ANK3: variants seen among roughly 807,000 people sequenced by gnomAD.
ANK3 encodes the protein ankyrin 3.
ANK3 carries 57 observed loss-of-function variants against 370.9 expected under a neutral mutation model. The observed-to-expected ratio is 0.15, with a 90% CI of 0.12 to 0.19. The LOEUF (loss-of-function observed/expected upper bound fraction) is 0.19. ANK3 is among the 10% of genes least tolerant of loss of function. ANK3 has a pLI of 1.00. For missense variants in ANK3, 4,439 were observed against 5,302.1 expected (o/e 0.84, Z 5.06); for synonymous variants, 1,929 against 1,946.3 (o/e 0.99, Z 0.23).
chr10:60,341,623 T>A (rs4600155), intron 1 of ANK3, among the ~76,000 whole-genome samples: 104,219 of 151,278 alleles, frequency 0.69, 37,360 homozygotes, highest in South Asian at 0.91. Context: ...TGCCTGTCCA[T>A]TTTTCCCAAG....
At chr10:60,684,672 TGA>T in intron 1 of ANK3, 1 of 1,588,152 alleles carries the variant, frequency 6.3e-7, no homozygotes, top group Non-Finnish European at 8.6e-7. Context: ...CATTTAACAC[TGA>T]GAAAATTAAG....
chr10:60,652,693 T>TAAA (rs35856343), intron 1 of ANK3, among the ~76,000 whole-genome samples: 27 of 135,608 alleles, frequency 2.0e-4, no homozygotes, highest in Non-Finnish European at 1.9e-4. Flanking sequence ...AGGCAAAATG[T>TAAA]AAAAAAAAAA....
At chr10:60,104,707 C>G (rs1346873046) in intron 28 of ANK3, among the ~76,000 whole-genome samples, 1 of 152,170 alleles carries the variant, frequency 6.6e-6, no homozygotes, top group African/African-American at 2.4e-5. Flanking sequence ...TCTTTAAATT[C>G]ATGGTTGGTG....
chr10:60,399,774 A>G (rs1246294317), intron 2 of ANK3, among the ~76,000 whole-genome samples: 1 of 152,200 alleles, frequency 6.6e-6, no homozygotes, highest in East Asian at 1.9e-4. Context: ...TAATTTAATG[A>G]AAAAATTTAA....
intron 2 of ANK3, among the ~76,000 whole-genome samples, chr10:60,610,789 C>G (rs1465291068): frequency 6.6e-6 from 1 of 152,170 alleles, no homozygotes; most frequent in East Asian, 1.9e-4. Context: ...TGATAACAGA[C>G]TTCGTTTCTG....
intron 23 of ANK3, chr10:60,145,954 G>A (rs1418895852): frequency 1.0e-5 from 8 of 775,288 alleles, no homozygotes; most frequent in Non-Finnish European, 1.6e-5. Context: ...GGGGCAAAGA[G>A]GAGGGAGACT....
chr10:60,460,289 C>T (rs529617094), intron 2 of ANK3, among the ~76,000 whole-genome samples: 32 of 152,246 alleles, frequency 2.1e-4, no homozygotes, highest in African/African-American at 7.0e-4. Context: ...GATACAATGA[C>T]TCAGCTGATG....
intron 1 of ANK3, among the ~76,000 whole-genome samples, chr10:60,715,092 A>T (rs1033997710): frequency 2.0e-5 from 3 of 152,042 alleles, no homozygotes; most frequent in Non-Finnish European, 4.4e-5. Context: ...GGGAGGTGGG[A>T]TATATGGGAA....
intron 1 of ANK3, among the ~76,000 whole-genome samples, chr10:60,285,788 T>C (rs2098235574): frequency 6.6e-6 from 1 of 152,152 alleles, no homozygotes; most frequent in Non-Finnish European, 1.5e-5. Flanking sequence ...TGCTGAGATA[T>C]ATAATGCATC....
intron 2 of ANK3, among the ~76,000 whole-genome samples, chr10:60,480,533 A>G (rs1281056616): frequency 6.6e-6 from 1 of 152,206 alleles, no homozygotes; most frequent in Non-Finnish European, 1.5e-5. Context: ...AAAAAAATCA[A>G]GTCAATATAT....
At chr10:60,489,100 T>A (rs558418613) in intron 2 of ANK3, among the ~76,000 whole-genome samples, 1 of 152,216 alleles carries the variant, frequency 6.6e-6, no homozygotes, top group Non-Finnish European at 1.5e-5. Flanking sequence ...ACAATGACCA[T>A]AGTCCATAGT....
chr10:60,059,802 T>C (rs765115990), intron 40 of ANK3: 2 of 1,614,222 alleles, frequency 1.2e-6, no homozygotes, highest in South Asian at 2.2e-5. Flanking sequence ...GGAAGCGTCT[T>C]CTGCAGTTAC....
chr10:60,527,997 A>G (rs2076513824), intron 2 of ANK3, among the ~76,000 whole-genome samples: 1 of 152,150 alleles, frequency 6.6e-6, no homozygotes. Context: ...CCTTCAGATT[A>G]AACGAAAGTC....
At chr10:60,531,274 T>C (rs887520813) in intron 2 of ANK3, among the ~76,000 whole-genome samples, 9 of 152,030 alleles carry the variant, frequency 5.9e-5, no homozygotes, top group African/African-American at 2.2e-4. Flanking sequence ...TTCTAGATAC[T>C]GAAAGGGAAA....
chr10:60,643,415 T>C (rs1435889905), intron 1 of ANK3, among the ~76,000 whole-genome samples: 1 of 152,190 alleles, frequency 6.6e-6, no homozygotes, highest in Non-Finnish European at 1.5e-5. Flanking sequence ...AAACTCGGAC[T>C]GGCTCTACTT....
At chr10:60,434,913 T>C (rs1408011891) in intron 2 of ANK3, among the ~76,000 whole-genome samples, 2 of 152,246 alleles carry the variant, frequency 1.3e-5, no homozygotes, top group Non-Finnish European at 2.9e-5. Flanking sequence ...TCAGCAAGTA[T>C]GCTCACTTTT....
intron 42 of ANK3, among the ~76,000 whole-genome samples, chr10:60,050,156 AG>A (rs2077661647): frequency 6.6e-6 from 1 of 152,204 alleles, no homozygotes; most frequent in Non-Finnish European, 1.5e-5. Context: ...AACATGTGTG[AG>A]GTGACTGATT....
At chr10:60,191,288 G>A (rs2096474518) in intron 16 of ANK3, among the ~76,000 whole-genome samples, 2 of 151,928 alleles carry the variant, frequency 1.3e-5, no homozygotes, top group Admixed American at 1.3e-4. Context: ...AATCAACAGA[G>A]TGAACCAGGT....
At chr10:60,239,215 T>C (rs1327749488) in intron 7 of ANK3, among the ~76,000 whole-genome samples, 1 of 152,090 alleles carries the variant, frequency 6.6e-6, no homozygotes, top group Non-Finnish European at 1.5e-5. Context: ...ACAGAAGACA[T>C]ACTTGAAGAG....
Sources: gnomAD v4.1 joint callset for allele counts (sites outside exome capture counted in the v4.1 genomes callset) on GRCh38, gnomAD v4.1.1 for gene constraint, MANE v1.5 for transcripts, NCBI Gene and HGNC (gene_info 2026-07-23, HGNC 2026-07-21) for gene names.